Variants in IL15 observed in about 807,000 individuals in gnomAD.
IL15 encodes interleukin 15.
In IL15, 11 loss-of-function variants were observed where a neutral mutation model predicts 19.6. The ratio of observed to expected loss-of-function variants is 0.56; its 90% CI spans 0.35 to 0.93. The LOEUF (loss-of-function observed/expected upper bound fraction) is 0.93, where lower values mean the gene tolerates loss of function less well. IL15 is among the 40% of genes least tolerant of loss of function. The probability of loss-of-function intolerance (pLI) is 0.01; values close to 1 mark genes in which losing one functional copy is unlikely to be tolerated. For synonymous variants in IL15, 58 were observed against 59.6 expected (o/e 0.97, Z 0.12); for missense variants, 197 against 186.5 (o/e 1.06, Z -0.33).
intron 2 of IL15, among the ~76,000 whole-genome samples, chr4:141,679,187 C>G (rs1368604302): frequency 1.3e-5 from 2 of 152,176 alleles, no homozygotes; most frequent in Non-Finnish European, 2.9e-5. Context: ...GGACAAGTCA[C>G]TAGATACAGC....
At chr4:141,712,620 T>C (rs1445414632) in intron 2 of IL15, among the ~76,000 whole-genome samples, 2 of 148,100 alleles carry the variant, frequency 1.4e-5, no homozygotes, top group Non-Finnish European at 3.0e-5. Context: ...ATTGTTTAAA[T>C]ATATATTAAA....
chr4:141,656,858 G>C (rs1166080390), intron 2 of IL15, among the ~76,000 whole-genome samples: 1 of 152,166 alleles, frequency 6.6e-6, no homozygotes, highest in Non-Finnish European at 1.5e-5. Flanking sequence ...GATATTAGAA[G>C]ATAATGTAGA....
chr4:141,730,477 A>G (rs764164744), intron 7 of IL15, among the ~76,000 whole-genome samples: 2 of 152,176 alleles, frequency 1.3e-5, no homozygotes, highest in African/African-American at 2.4e-5. Flanking sequence ...TGTAGCACTG[A>G]GAGCCTGGAT....
At chr4:141,695,822 T>C (rs888488192) in intron 2 of IL15, among the ~76,000 whole-genome samples, 1 of 152,126 alleles carries the variant, frequency 6.6e-6, no homozygotes, top group African/African-American at 2.4e-5. Context: ...TTAAATTCAC[T>C]ATATATTCAG....
At chr4:141,642,018 T>C (rs1171412168) in intron 1 of IL15, among the ~76,000 whole-genome samples, 1 of 151,470 alleles carries the variant, frequency 6.6e-6, no homozygotes, top group Non-Finnish European at 1.5e-5. Context: ...AGAATAATAA[T>C]AATAATAATA....
In IL15 at chr4:141,698,888, C is replaced by T. The variant is rs189445138; in HGVS notation, c.-99-20478C>T. On this transcript the variant is annotated intron_variant, in intron 2 of 7. Transcript: ENST00000320650. ...CTGCTATGTTTGGGTTTAGTTTGTTCCTGTCTCTTAAGTTCCTTGAGGTGT... is the reference window on the plus strand; with the variant it reads ...CTGCTATGTTTGGGTTTAGTTTGTTTCTGTCTCTTAAGTTCCTTGAGGTGT... 1.7e-3 allele frequency among the ~76,000 whole-genome samples: 262 copies of T among 150,590 alleles called. 3 individuals carry two copies. Among genetic ancestry groups the T allele is most frequent in the African/African-American group, 6.2e-3 (253 of 41,024 alleles).
chr4:141,716,058 T>G (rs1729873125), intron 2 of IL15: 1 of 152,166 alleles, frequency 6.6e-6, no homozygotes, highest in Admixed American at 6.5e-5. Flanking sequence ...CACTCCAGAA[T>G]GAAAACTATA....
intron 7 of IL15, 111 bp from the exon 8 acceptor site, chr4:141,732,627 A>G (rs1003426959): frequency 1.4e-6 from 2 of 1,389,420 alleles, no homozygotes; most frequent in African/African-American, 1.5e-5. Context: ...TAAAGCTTTC[A>G]TATCTCAAGA....
chr4:141,714,920 G>A (rs1050054207), intron 2 of IL15: 3 of 152,160 alleles, frequency 2.0e-5, no homozygotes, highest in Middle Eastern at 3.4e-3. Flanking sequence ...TCCTGAACTC[G>A]AGATTTATGT....
rs184864128 is a variant in IL15, at chr4:141,721,708, G to A, written c.111-216G>A. 2.3e-4 allele frequency: 128 copies of A among 559,734 alleles called. 1 individual carries two copies. Among genetic ancestry groups the A allele is most frequent in the Admixed American group, 1.8e-3 (57 of 32,096 alleles). The allele number at this position is 559,734 out of a possible 1,614,324, so 34.7% of individuals were successfully genotyped here. A position where few individuals can be genotyped will look rare whatever the true frequency, so the allele number is the denominator to read the frequency against. The stretch of plus-strand genomic sequence containing the variant: ...CTACAGTTAGGCTTTTCTCTAATCC[G>A]GGTTGGTGAAGCCTCAAGTTATCAT... On this transcript the variant is annotated intron_variant, in intron 4 of 7. Coordinates refer to ENST00000320650, the MANE Select transcript of IL15 (RefSeq NM_000585.5).
At chr4:141,707,442 G>T (rs991055118) in intron 2 of IL15, among the ~76,000 whole-genome samples, 1 of 151,992 alleles carries the variant, frequency 6.6e-6, no homozygotes, top group Non-Finnish European at 1.5e-5. Flanking sequence ...TCCTTTGGGG[G>T]TATCATGTTT....
intron 2 of IL15, among the ~76,000 whole-genome samples, chr4:141,693,469 A>G (rs930939515): frequency 2.0e-5 from 3 of 152,230 alleles, no homozygotes; most frequent in African/African-American, 4.8e-5. Flanking sequence ...CGGGATATTC[A>G]GTAAATATCT....
intron 2 of IL15, among the ~76,000 whole-genome samples, chr4:141,694,407 T>A (rs753934496): frequency 1.3e-5 from 2 of 152,160 alleles, no homozygotes; most frequent in African/African-American, 2.4e-5. Flanking sequence ...TTTCTCCAGG[T>A]ACAGTCTGAT....
At chr4:141,684,390 T>A (rs752618166) in intron 2 of IL15, among the ~76,000 whole-genome samples, 2 of 152,318 alleles carry the variant, frequency 1.3e-5, no homozygotes, top group Non-Finnish European at 1.5e-5. Flanking sequence ...TTCTCTTCAG[T>A]TATGTATTTA....
intron 2 of IL15, among the ~76,000 whole-genome samples, chr4:141,664,182 C>T (rs1727886613): frequency 6.6e-6 from 1 of 152,032 alleles, no homozygotes; most frequent in African/African-American, 2.4e-5. Context: ...AGCTCTAAGA[C>T]CTAAGCAGGT....
In IL15 at chr4:141,732,926, C is replaced by A. The variant is rs56254924; in HGVS notation, c.*78C>A. 486 of 1,527,256 alleles carry A rather than the reference C, an allele frequency of 3.2e-4. 8 individuals are homozygous for A. In the East Asian group the frequency reaches 0.011, roughly 36 times the overall value. The allele number at this position is 1,527,256 out of a possible 1,614,324, so 94.6% of individuals were successfully genotyped here. A position where few individuals can be genotyped will look rare whatever the true frequency, so the allele number is the denominator to read the frequency against. ...TGCTTAGACATAACAAAACACTCGG[C>A]ATTTCAAATGTGCTGTCAAAACAAG... On this transcript the variant is annotated 3_prime_UTR_variant, in exon 8 of 8. Transcript: ENST00000320650.
At chr4:141,657,195 A>G (rs953684608) in intron 2 of IL15, among the ~76,000 whole-genome samples, 3 of 152,202 alleles carry the variant, frequency 2.0e-5, no homozygotes, top group Non-Finnish European at 4.4e-5. Context: ...CACAGAAAAG[A>G]TACAGTAAAA....
chr4:141,666,848 C>G (rs1252247532), intron 2 of IL15, among the ~76,000 whole-genome samples: 1 of 152,176 alleles, frequency 6.6e-6, no homozygotes, highest in Non-Finnish European at 1.5e-5. Flanking sequence ...CACAGAGAGG[C>G]CAAGAAAAAT....
At chr4:141,671,248 T>A (rs1412238045) in intron 2 of IL15, among the ~76,000 whole-genome samples, 1 of 152,164 alleles carries the variant, frequency 6.6e-6, no homozygotes, top group Non-Finnish European at 1.5e-5. Context: ...TCCTCCTCTC[T>A]AAGTCCAGAT....
Sources: gnomAD v4.1 joint callset for allele counts (sites outside exome capture counted in the v4.1 genomes callset) on GRCh38, gnomAD v4.1.1 for gene constraint, MANE v1.5 for transcripts, NCBI Gene and HGNC (gene_info 2026-07-23, HGNC 2026-07-21) for gene names.